STK4: variants seen among roughly 807,000 people sequenced by gnomAD.
STK4 encodes the protein serine/threonine-protein kinase 4.
Under a neutral mutation model 64.9 loss-of-function variants are expected in STK4, and 30 were observed. That is an observed-to-expected ratio of 0.46 (90% CI 0.35 to 0.63). STK4 has a LOEUF of 0.63. STK4 is among the 20% of genes least tolerant of loss of function. The pLI, the probability that STK4 is intolerant of heterozygous loss-of-function variation, is 0.01. For synonymous variants in STK4, 177 were observed against 199.0 expected, an observed-to-expected ratio of 0.89 and a Z score of 0.93; for missense variants, 466 against 598.5, an observed-to-expected ratio of 0.78 and a Z score of 2.31.
At chr20:45,012,039 A>ATT (rs1295816943) in intron 9 of STK4, among the ~76,000 whole-genome samples, 1 of 142,316 alleles carries the variant, frequency 7.0e-6, no homozygotes, top group Non-Finnish European at 1.5e-5. Context: ...TCCGATACAA[A>ATT]TTTTTTTTTT....
intron 2 of STK4, chr20:44,974,975 G>A (rs2067314091): frequency 6.6e-6 from 1 of 152,216 alleles, no homozygotes; most frequent in Non-Finnish European, 1.5e-5. Flanking sequence ...GTGTTTTCAA[G>A]TGGAGCCTAG....
chr20:44,970,469 A>G (rs1351818479), intron 1 of STK4: 5 of 152,118 alleles, frequency 3.3e-5, no homozygotes, highest in South Asian at 2.1e-4. Context: ...GTATTGTCCA[A>G]TGTTTATACA....
intron 5 of STK4, 50 bp from the exon 6 acceptor site, chr20:44,995,040 A>C: frequency 5.5e-5 from 75 of 1,355,106 alleles, no homozygotes; most frequent in Non-Finnish European, 6.7e-5. Flanking sequence ...CTCTGTGGAC[A>C]TCTCAGTAGT....
In STK4 at chr20:45,011,731, T is replaced by TACA. The variant is rs1428985946; in HGVS notation, c.1147+10378_1147+10379insACA. Among the ~76,000 whole-genome samples the TACA allele has an allele frequency of 3.7e-5, 3 of 81,172 alleles. No individual in the cohort carries two copies. In the East Asian group the frequency reaches 8.2e-4, roughly 22 times the overall value. The allele number at this position is 81,172 out of a possible 152,430, so 53.3% of individuals were successfully genotyped here. On this transcript the variant is annotated intron_variant, in intron 9 of 10. Coordinates refer to ENST00000372806, the MANE Select transcript of STK4 (RefSeq NM_006282.5). ...TACATATATATATATATATATATAT[T>TACA]TTTTTTTTTTTTTTTAAGTCAAGTT...
chr20:45,019,318 C>T lies in STK4; in HGVS notation c.1148-5655C>T, dbSNP rs545523169. ...ATAACATGTGGCCTTTTGAGAATGG[C>T]GTCTTTCATTTTGCATAATGTTTTT... On this transcript the variant is annotated intron_variant, in intron 9 of 10. Coordinates refer to ENST00000372806, the MANE Select transcript of STK4 (RefSeq NM_006282.5). 3.3e-5 allele frequency among the ~76,000 whole-genome samples: 5 copies of T among 152,156 alleles called. No individual in the cohort carries two copies. The East Asian group carries it at 5.8e-4, about 18-fold the overall frequency.
At chr20:44,969,692 CTCTG>C (rs1467528929) in intron 1 of STK4, among the ~76,000 whole-genome samples, 1 of 152,218 alleles carries the variant, frequency 6.6e-6, no homozygotes, top group African/African-American at 2.4e-5. Context: ...TCCATGGATG[CTCTG>C]TTGATCAGGC....
chr20:44,978,284 T>C (rs1008434667), intron 2 of STK4, among the ~76,000 whole-genome samples, 159 bp from the exon 3 acceptor site: 5 of 152,230 alleles, frequency 3.3e-5, no homozygotes, highest in Non-Finnish European at 5.9e-5. Context: ...CTTGACAGTT[T>C]TTTCCCCAAA....
At chr20:45,045,259 T>TGTTTCTGTGAGGTAGCAGGGTGGG (rs2068675354) in intron 10 of STK4, among the ~76,000 whole-genome samples, 1 of 152,150 alleles carries the variant, frequency 6.6e-6, no homozygotes, top group Non-Finnish European at 1.5e-5. Flanking sequence ...ATGCTTACAG[T>TGTTTCTGTGAGGTAGCAGGGTGGG]GTTTCTGTGA....
intron 10 of STK4, among the ~76,000 whole-genome samples, chr20:45,059,362 C>T (rs765018809): frequency 2.0e-5 from 3 of 152,156 alleles, no homozygotes; most frequent in Admixed American, 6.5e-5. Flanking sequence ...GGTTTCTCTT[C>T]GGCATATGTG....
chr20:45,013,084 C>T (rs1252328182), intron 9 of STK4, among the ~76,000 whole-genome samples: 1 of 150,556 alleles, frequency 6.6e-6, no homozygotes, highest in Non-Finnish European at 1.5e-5. Flanking sequence ...CAAGTGTGAA[C>T]CACCAAGCCT....
chr20:45,038,419 A>G (rs2068560832), intron 10 of STK4, among the ~76,000 whole-genome samples: 2 of 152,066 alleles, frequency 1.3e-5, no homozygotes, highest in Non-Finnish European at 2.9e-5. Context: ...GGATTTATAT[A>G]TATTTTTTAG....
chr20:45,075,053 G>A lies in STK4; in HGVS notation c.1341G>A (p.Arg447=). 4 of 1,614,162 alleles carry A rather than the reference G, an allele frequency of 2.5e-6. No individual in the cohort carries two copies. Among genetic ancestry groups the A allele is most frequent in the Non-Finnish European group, 3.4e-6 (4 of 1,180,022 alleles). ...GGACAGTGGAGGACCTTCAGAAGAG[G>A]CTCTTGGCCCTGGACCCCATGATGG... ...KSWTVEDLQK[R]LLALDPMMEQ... The change falls in exon 11 of 11, where the codon AGG becomes AGA. Residue 447 remains arginine (R), a synonymous_variant. Coordinates refer to ENST00000372806, the MANE Select transcript of STK4 (RefSeq NM_006282.5).
At chr20:45,046,361 G>A (rs1033620761) in intron 10 of STK4, among the ~76,000 whole-genome samples, 2 of 151,662 alleles carry the variant, frequency 1.3e-5, no homozygotes, top group African/African-American at 4.8e-5. Flanking sequence ...TTTGAGCCCA[G>A]GAAGTTGAGG....
In STK4 at chr20:45,026,128, G is replaced by GGTTTTTTTT. The variant is rs1490924969; in HGVS notation, c.1305+998_1305+999insGTTTTTTTT. On this transcript the variant is annotated intron_variant, in intron 10 of 10. Coordinates refer to ENST00000372806, the MANE Select transcript of STK4 (RefSeq NM_006282.5). The stretch of plus-strand genomic sequence containing the variant: ...TGTTCATTTACTTACTTATCCAGTG[G>GGTTTTTTTT]TTTTTTTTTTTTTTTTTGGATGTCA... 3.1e-5 allele frequency among the ~76,000 whole-genome samples: 4 copies of GGTTTTTTTT among 128,982 alleles called. 1 individual carries two copies. The highest frequency in any genetic ancestry group is 9.0e-5 in the African/African-American group (3 of 33,430). The allele number at this position is 128,982 out of a possible 152,430, so 84.6% of individuals were successfully genotyped here.
At chr20:45,012,891 C>T (rs2068077075) in intron 9 of STK4, among the ~76,000 whole-genome samples, 1 of 148,216 alleles carries the variant, frequency 6.7e-6, no homozygotes, top group South Asian at 2.1e-4. Context: ...CCAAGCAATC[C>T]TCCTGCCTCA....
In STK4 at chr20:45,043,699, A is replaced by G. The variant is rs568187944; in HGVS notation, c.1305+18569A>G. ...CTCATTGGAGCATTTCAAATTTCATATTTTTGGATTAGAGATGGTCAACAG... is the reference window on the plus strand; with the variant it reads ...CTCATTGGAGCATTTCAAATTTCATGTTTTTGGATTAGAGATGGTCAACAG... On this transcript the variant is annotated intron_variant, in intron 10 of 10. Transcript: ENST00000372806. Among the ~76,000 whole-genome samples the G allele has an allele frequency of 9.3e-4, 141 of 152,332 alleles. 1 individual carries two copies. Among genetic ancestry groups the G allele is most frequent in the African/African-American group, 3.2e-3 (135 of 41,582 alleles).
At chr20:44,985,890 G>A (rs925036009) in intron 4 of STK4, among the ~76,000 whole-genome samples, 1 of 152,186 alleles carries the variant, frequency 6.6e-6, no homozygotes, top group Non-Finnish European at 1.5e-5. Flanking sequence ...TTGCACCAGA[G>A]CACACTCCAT....
In STK4 at chr20:45,064,301, G is replaced by A. The variant is rs1313849328; in HGVS notation, c.1306-10717G>A. Among the ~76,000 whole-genome samples, 7 of 151,826 alleles carry A rather than the reference G, an allele frequency of 4.6e-5. No homozygotes were observed. The East Asian group carries it at 1.3e-3, about 29-fold the overall frequency. ...GATCTGTATGTCTGTTTTTGTACCA[G>A]TGCCATGCTGGTTTGGTTACTGTAG... is the stretch of plus-strand genomic sequence containing the variant. On this transcript the variant is annotated intron_variant, in intron 10 of 10. Coordinates refer to ENST00000372806, the MANE Select transcript of STK4 (RefSeq NM_006282.5).
At position 45,058,053 on chromosome 20, in the gene STK4, T is replaced by TCACACA. The variant is rs3044396; in HGVS notation, c.1306-16935_1306-16930dup. On this transcript the variant is annotated intron_variant, in intron 10 of 10. Coordinates refer to ENST00000372806, the MANE Select transcript of STK4 (RefSeq NM_006282.5). The stretch of plus-strand genomic sequence containing the variant: ...AAACTTATATTTAGCAGTTTGAAGG[T>TCACACA]CACACACACACACACACACACACAC... Among the ~76,000 whole-genome samples the TCACACA allele has an allele frequency of 1.2e-4, 18 of 148,126 alleles. 1 individual carries two copies. The South Asian group carries it at 2.2e-3, about 18-fold the overall frequency.
Sources: allele counts gnomAD v4.1 joint callset (sites outside exome capture counted in the v4.1 genomes callset), GRCh38; gene constraint gnomAD v4.1.1; transcripts MANE v1.5; gene names NCBI Gene and HGNC (gene_info 2026-07-23, HGNC 2026-07-21).